Variants in BRIP1 observed in about 807,000 individuals in gnomAD.
BRIP1 encodes Fanconi anemia group J protein.
A neutral mutation model predicts 119.7 loss-of-function variants in BRIP1; 88 were observed. The observed-to-expected ratio is 0.74, with a 90% CI of 0.62 to 0.88. BRIP1 has a LOEUF of 0.88. BRIP1 is among the 40% of genes least tolerant of loss of function. The pLI, the probability that BRIP1 is intolerant of heterozygous loss-of-function variation, is 0.00. For synonymous variants in BRIP1, 443 were observed against 496.5 expected (o/e 0.89, Z 1.43); for missense variants, 1,259 against 1,455.4 (o/e 0.87, Z 2.20).
chr17:61,804,410 A>ATGTGTGTG lies in BRIP1; in HGVS notation c.919-2944_919-2937dup, dbSNP rs71153405. Among the ~76,000 whole-genome samples, 34 of 125,508 alleles carry ATGTGTGTG rather than the reference A, an allele frequency of 2.7e-4. No individual in the cohort carries two copies. Among genetic ancestry groups the ATGTGTGTG allele is most frequent in the African/African-American group, 1.1e-3 (33 of 30,176 alleles). 82.3% of individuals were successfully genotyped at this position (125,508 alleles called of 152,430 possible). On this transcript the variant is annotated intron_variant, in intron 7 of 19. Coordinates refer to ENST00000259008, the MANE Select transcript of BRIP1 (RefSeq NM_032043.3). The surrounding 1 kb of genome is among the most constrained non-coding windows in gnomAD (Gnocchi z 4.5). ...AAGACTTTGAGGCAGCTATATACATATGTGTGTGTGTGTGTGTGTGTGTGT... is the reference window on the plus strand; with the variant it reads ...AAGACTTTGAGGCAGCTATATACATATGTGTGTGTGTGTGTGTGTGTGTGTGTGTGTGT...
At chr17:61,714,710 G>A (rs2061831460) in intron 17 of BRIP1, among the ~76,000 whole-genome samples, 1 of 151,966 alleles carries the variant, frequency 6.6e-6, no homozygotes, top group African/African-American at 2.4e-5. Context: ...ATATTTAGAA[G>A]TCGGAGTATC....
At chr17:61,782,219 A>C (rs2077632609) in intron 11 of BRIP1, among the ~76,000 whole-genome samples, 1 of 151,828 alleles carries the variant, frequency 6.6e-6, no homozygotes, top group Non-Finnish European at 1.5e-5. Context: ...CCCCGTCTCT[A>C]CTAGAAAATA....
At chr17:61,854,030 C>T (rs1013929695) in intron 4 of BRIP1, among the ~76,000 whole-genome samples, 1 of 152,074 alleles carries the variant, frequency 6.6e-6, no homozygotes, top group African/African-American at 2.4e-5. Flanking sequence ...AATCCCAGTG[C>T]TTTGGGAGGC....
At chr17:61,692,779 T>C (rs2061466545) in intron 18 of BRIP1, among the ~76,000 whole-genome samples, 2 of 152,234 alleles carry the variant, frequency 1.3e-5, no homozygotes, top group Middle Eastern at 3.2e-3. Context: ...TTGGTGGGAA[T>C]GTTAAATGGT....
chr17:61,731,310 G>A (rs966383400), intron 16 of BRIP1, among the ~76,000 whole-genome samples: 2 of 152,000 alleles, frequency 1.3e-5, no homozygotes, highest in Non-Finnish European at 2.9e-5. Context: ...ATTTCCCCTG[G>A]GTAACCATGT....
chr17:61,859,547 T>C (rs2078944790), intron 3 of BRIP1, among the ~76,000 whole-genome samples: 1 of 152,190 alleles, frequency 6.6e-6, no homozygotes, highest in Admixed American at 6.5e-5. Context: ...CTGCCCAGGC[T>C]GCCAAGTCTT....
intron 11 of BRIP1, among the ~76,000 whole-genome samples, chr17:61,782,516 A>G (rs947404892): frequency 1.3e-5 from 2 of 152,196 alleles, no homozygotes; most frequent in African/African-American, 4.8e-5. Context: ...ATTGGACTTC[A>G]ACAAGATTAA....
chr17:61,781,988 T>C (rs951838516), intron 11 of BRIP1, among the ~76,000 whole-genome samples: 1 of 151,906 alleles, frequency 6.6e-6, no homozygotes, highest in Non-Finnish European at 1.5e-5. Context: ...TCCTTATTCA[T>C]TTCACTCCTA....
rs1603366250 is a variant in BRIP1, at chr17:61,857,099, GTGCTTGGATAGTTGAAA to G, written c.321_337del (p.Phe108ThrfsTer4). The G allele has an allele frequency of 1.2e-6, 2 of 1,614,128 alleles. No homozygotes were observed. The highest frequency in any genetic ancestry group is 1.7e-6 in the Non-Finnish European group (2 of 1,179,994). On this transcript the variant is annotated frameshift_variant, in exon 4 of 20. Coordinates refer to ENST00000259008, the MANE Select transcript of BRIP1 (RefSeq NM_032043.3). LOFTEE classifies it high-confidence loss of function. This position sits in a 1 kb window ranked among gnomAD's most constrained non-coding sequence, Gnocchi z 5.1. ...AGTGCCATTTCTTTCAGAAGGTGGTGTGCTTGGATAGTTGAAATGACGTGAAGTTCCTTGGTTCATGT... is the reference window on the plus strand; with the variant it reads ...AGTGCCATTTCTTTCAGAAGGTGGTGTGACGTGAAGTTCCTTGGTTCATGT...
rs2077422818 is a variant in BRIP1 at position 61,769,875 on chromosome 17, T to C, written c.2097+6526A>G. Among the ~76,000 whole-genome samples, 1 of 152,178 alleles carries C rather than the reference T, an allele frequency of 6.6e-6. No individual in the cohort carries two copies. Among genetic ancestry groups the C allele is most frequent in the Non-Finnish European group, 1.5e-5 (1 of 68,024 alleles). On this transcript the variant is annotated intron_variant, in intron 14 of 19. Coordinates refer to ENST00000259008, the MANE Select transcript of BRIP1 (RefSeq NM_032043.3). This position sits in a 1 kb window ranked among gnomAD's most constrained non-coding sequence, Gnocchi z 4.9. ...GCTGGAGATAAAATGTGAACTAGTT[T>C]ATAAGTGAGAAACTCCTAGGGGCTG...
At chr17:61,855,875 T>C (rs2145817256) in intron 4 of BRIP1, among the ~76,000 whole-genome samples, 1 of 152,120 alleles carries the variant, frequency 6.6e-6, no homozygotes, top group Middle Eastern at 3.4e-3. Flanking sequence ...GACAGACACA[T>C]ATAATACAAA....
At chr17:61,712,065 C>T (rs970260742) in intron 17 of BRIP1, among the ~76,000 whole-genome samples, 1 of 151,806 alleles carries the variant, frequency 6.6e-6, no homozygotes, top group African/African-American at 2.4e-5. Flanking sequence ...ACCCACATGC[C>T]ATCTGGTTTA....
Position 61,701,719 on chromosome 17 carries a change from C to T in BRIP1, c.2493-8207G>A, listed in dbSNP as rs1354810100. Among the ~76,000 whole-genome samples the T allele has an allele frequency of 6.6e-6, 1 of 152,200 alleles. No homozygotes were observed. The highest frequency in any genetic ancestry group is 2.4e-5 in the African/African-American group (1 of 41,462). ...TTTTCTCTTTACATTTTTTGGCTAG[C>T]CTCTCACTTGCCCCAAATGTCATTC... On this transcript the variant is annotated intron_variant, in intron 17 of 19. Coordinates refer to ENST00000259008, the MANE Select transcript of BRIP1 (RefSeq NM_032043.3). This position sits in a 1 kb window ranked among gnomAD's most constrained non-coding sequence, Gnocchi z 5.1.
chr17:61,717,651 T>C lies in BRIP1; in HGVS notation c.2380-1588A>G, dbSNP rs1003513895. Among the ~76,000 whole-genome samples, 1 of 152,130 alleles carries C rather than the reference T, an allele frequency of 6.6e-6. No individual in the cohort carries two copies. Among genetic ancestry groups the C allele is most frequent in the African/African-American group, 2.4e-5 (1 of 41,454 alleles). On this transcript the variant is annotated intron_variant, in intron 16 of 19. Transcript: ENST00000259008. The surrounding 1 kb of genome is among the most constrained non-coding windows in gnomAD (Gnocchi z 4.1). ...AGCGACTTTGGATTGGATTACAGTG[T>C]GCTGTTGTGTGTATTTTGCTTGCGT... is the stretch of plus-strand genomic sequence containing the variant.
At chr17:61,854,335 G>T (rs2078863874) in intron 4 of BRIP1, among the ~76,000 whole-genome samples, 1 of 152,090 alleles carries the variant, frequency 6.6e-6, no homozygotes. Flanking sequence ...TCACAAGGAT[G>T]TGAAGAAACT....
At position 61,859,879 on chromosome 17, in the gene BRIP1, T is replaced by C. The variant is rs1253714284; in HGVS notation, c.122A>G (p.His41Arg). ...SILRGLNSKQ[H>R]CLLESPTGSG... Reference sequence around the variant, plus strand: ...TCCTGTGGGACTCTCCAACAAACAATGTTGCTTGCTGTTTAATCCTCTGAG... The same window carrying C: ...TCCTGTGGGACTCTCCAACAAACAACGTTGCTTGCTGTTTAATCCTCTGAG... The change falls in exon 3 of 20, where the codon CAT (histidine) becomes CGT (arginine). Residue 41 changes from histidine (H) to arginine (R), a missense_variant. Physicochemically the swap from His to Arg is conservative, Grantham distance 29 (BLOSUM62 0). Coordinates refer to ENST00000259008, the MANE Select transcript of BRIP1 (RefSeq NM_032043.3). 3 of 1,613,236 alleles carry C rather than the reference T, an allele frequency of 1.9e-6. No individual in the cohort carries two copies. The highest frequency in any genetic ancestry group is 8.5e-7 in the Non-Finnish European group (1 of 1,179,370).
rs1414598790 is a variant in BRIP1, at chr17:61,778,330, G to A, written c.1936-1768C>T. The stretch of plus-strand genomic sequence containing the variant: ...AGAATGGTAGTTACCAGGAGCTGAG[G>A]AGAGGGGGAGAATAGAGAGCTGTTG... On this transcript the variant is annotated intron_variant, in intron 13 of 19. Coordinates refer to ENST00000259008, the MANE Select transcript of BRIP1 (RefSeq NM_032043.3). This position sits in a 1 kb window ranked among gnomAD's most constrained non-coding sequence, Gnocchi z 4.4. Among the ~76,000 whole-genome samples the A allele has an allele frequency of 6.6e-6, 1 of 152,162 alleles. No homozygotes were observed. The highest frequency in any genetic ancestry group is 1.5e-5 in the Non-Finnish European group (1 of 68,034).
intron 14 of BRIP1, among the ~76,000 whole-genome samples, chr17:61,766,561 G>A (rs1217213287): frequency 3.9e-5 from 6 of 152,134 alleles, no homozygotes; most frequent in East Asian, 1.9e-4. Context: ...GGTTAAGTGC[G>A]GTACAGCTTT....
intron 4 of BRIP1, among the ~76,000 whole-genome samples, chr17:61,854,092 A>G (rs1169822374): frequency 6.6e-6 from 1 of 152,028 alleles, no homozygotes; most frequent in Admixed American, 6.5e-5. Context: ...CCTGGGGAAC[A>G]CAGTAAAACC....
Sources: gnomAD v4.1 joint callset for allele counts (sites outside exome capture counted in the v4.1 genomes callset) on GRCh38, gnomAD v4.1.1 for gene constraint, Gnocchi (gnomAD v3.1) non-coding constraint, MANE v1.5 for transcripts, NCBI Gene and HGNC (gene_info 2026-07-23, HGNC 2026-07-21) for gene names.